Variants in GCSAML observed in about 807,000 individuals in gnomAD.
The protein encoded by GCSAML is germinal center associated signaling and motility like.
In GCSAML, 9 loss-of-function variants were observed where a neutral mutation model predicts 13.0. The ratio of observed to expected loss-of-function variants is 0.69; its 90% confidence interval spans 0.42 to 1.21. The LOEUF is 1.21. GCSAML is among the 50% of genes most tolerant of loss of function. The pLI, the probability that GCSAML is intolerant of heterozygous loss-of-function variation, is 0.00. For synonymous variants in GCSAML, 37 were observed against 52.9 expected (o/e 0.70, Z 1.31); for missense variants, 143 against 153.4 (o/e 0.93, Z 0.36).
intron 3 of GCSAML, among the ~76,000 whole-genome samples, chr1:247,564,809 G>T (rs561484724): frequency 6.6e-6 from 1 of 152,124 alleles, no homozygotes; most frequent in Admixed American, 6.6e-5. Flanking sequence ...TAACTGGCTA[G>T]CCATATGGAG....
At chr1:247,560,368 C>T (rs3844081) in intron 2 of GCSAML, among the ~76,000 whole-genome samples, 51,838 of 151,812 alleles carry the variant, frequency 0.34, 10,879 homozygotes, top group East Asian at 0.74. Flanking sequence ...AACACATCTT[C>T]TTTCCTTGGA....
rs1427798591 is a variant in GCSAML at position 247,522,276 on chromosome 1, C to T, written c.-262-4664C>T. Among the ~76,000 whole-genome samples, 13 of 137,476 alleles carry T rather than the reference C, an allele frequency of 9.5e-5. 1 individual carries two copies. Among genetic ancestry groups the T allele is most frequent in the African/African-American group, 2.2e-4 (8 of 35,658 alleles). The allele number at this position is 137,476 out of a possible 152,430, so 90.2% of individuals were successfully genotyped here. ...GGGGGGCAGCCCCCACCCGGCTAGC[C>T]GCCCTGTCCGGGAGGGAGGTGGGGG... On this transcript the variant is annotated intron_variant, in intron 1 of 5. Coordinates refer to the GCSAML transcript ENST00000366489.
chr1:247,537,447 G>C (rs1237860495), intron 2 of GCSAML, among the ~76,000 whole-genome samples: 2 of 152,182 alleles, frequency 1.3e-5, no homozygotes, highest in Non-Finnish European at 2.9e-5. Flanking sequence ...GAGCTGCTAT[G>C]AACATTCACA....
upstream of GCSAML, among the ~76,000 whole-genome samples, chr1:247,545,674 C>A (rs1667543910): frequency 6.6e-6 from 1 of 152,152 alleles, no homozygotes; most frequent in Non-Finnish European, 1.5e-5. Context: ...ATTTGTATGT[C>A]TTCTTTGGAG....
At chr1:247,540,244 G>C (rs1376038845) in intron 2 of GCSAML, among the ~76,000 whole-genome samples, 1 of 152,170 alleles carries the variant, frequency 6.6e-6, no homozygotes, top group Admixed American at 6.5e-5. Flanking sequence ...TGTTGGCCAG[G>C]CTGGTCTCGA....
Position 247,571,596 on chromosome 1 carries a change from T to G in GCSAML, c.169-2547T>G, listed in dbSNP as rs188689366. Among the ~76,000 whole-genome samples the G allele has an allele frequency of 5.2e-3, 787 of 152,322 alleles. 6 individuals are homozygous for G. The highest frequency in any genetic ancestry group is 0.044 in the Middle Eastern group (13 of 294). On this transcript the variant is annotated intron_variant, in intron 4 of 4. Coordinates refer to ENST00000366488, the MANE Select transcript of GCSAML (RefSeq NM_145278.5). ...CATTAGTCTGATGGGCTTCCCTTTG[T>G]GGGTAACCCAACCTTTCTTTCTGGT...
At chr1:247,556,698 T>C (rs1189378228) in intron 2 of GCSAML, among the ~76,000 whole-genome samples, 1 of 152,166 alleles carries the variant, frequency 6.6e-6, no homozygotes, top group African/African-American at 2.4e-5. Context: ...ATAATGTGAG[T>C]GTAGAAACAT....
intron 2 of GCSAML, chr1:247,533,833 A>G (rs1430641711): frequency 6.6e-6 from 1 of 152,212 alleles, no homozygotes; most frequent in African/African-American, 2.4e-5. Context: ...TTGTCAGTTG[A>G]TTTCTGTGAA....
chr1:247,543,227 G>T (rs1226138533), intron 2 of GCSAML, among the ~76,000 whole-genome samples: 2 of 152,204 alleles, frequency 1.3e-5, no homozygotes, highest in African/African-American at 4.8e-5. Context: ...TTGTTATTAA[G>T]CATGTGTCAA....
chr1:247,528,620 A>G (rs1289128907), intron 2 of GCSAML: 1 of 152,226 alleles, frequency 6.6e-6, no homozygotes, highest in Non-Finnish European at 1.5e-5. Flanking sequence ...GTGTTGCTGA[A>G]AGATGGTGAG....
At chr1:247,545,650 A>G (rs1667543247), upstream of GCSAML, among the ~76,000 whole-genome samples, 1 of 152,200 alleles carries the variant, frequency 6.6e-6, no homozygotes, top group Non-Finnish European at 1.5e-5. Context: ...TATCTTTTCA[A>G]AGACCTCTTG....
intron 2 of GCSAML, among the ~76,000 whole-genome samples, chr1:247,563,190 A>G (rs556061423): frequency 6.6e-6 from 1 of 152,174 alleles, no homozygotes; most frequent in African/African-American, 2.4e-5. Flanking sequence ...TTTAGTTAGA[A>G]TTCGTAAGAC....
At chr1:247,532,252 C>G in intron 2 of GCSAML, 2 of 1,614,198 alleles carry the variant, frequency 1.2e-6, no homozygotes, top group Non-Finnish European at 1.7e-6. Flanking sequence ...CTGTGGTCCC[C>G]AGAGGTTAGC....
intron 2 of GCSAML, among the ~76,000 whole-genome samples, chr1:247,534,145 A>G (rs12036349): frequency 0.22 from 34,181 of 152,118 alleles, 4,644 homozygotes; most frequent in East Asian, 0.45. Context: ...TTATTTTTAT[A>G]TAAGGTGATA....
At chr1:247,514,135 C>A (rs1454975282) in intron 1 of GCSAML, among the ~76,000 whole-genome samples, 1 of 152,164 alleles carries the variant, frequency 6.6e-6, no homozygotes, top group East Asian at 1.9e-4. Flanking sequence ...TATGCACCAC[C>A]ATGCCCAGCT....
chr1:247,549,237 G>A lies in GCSAML; in HGVS notation c.29+17G>A. On this transcript the variant is annotated intron_variant, in intron 1 of 4. Coordinates refer to ENST00000366488, the MANE Select transcript of GCSAML (RefSeq NM_145278.5). ...AAAACTCAGGTGAGTCTTGACTCTT[G>A]GTGCCGCCTTTCTTGGGAGAAAGAG... 1.2e-6 allele frequency: 2 copies of A among 1,608,542 alleles called. No homozygotes were observed. Among genetic ancestry groups the A allele is most frequent in the Non-Finnish European group, 1.7e-6 (2 of 1,175,112 alleles).
chr1:247,559,488 A>T (rs548025623), intron 2 of GCSAML, among the ~76,000 whole-genome samples: 208 of 152,002 alleles, frequency 1.4e-3, no homozygotes, highest in African/African-American at 4.9e-3. Flanking sequence ...CATCTTCCGC[A>T]GTGTGAGAAG....
chr1:247,572,520 A>G (rs1668655005), intron 4 of GCSAML, among the ~76,000 whole-genome samples: 1 of 152,056 alleles, frequency 6.6e-6, no homozygotes, highest in African/African-American at 2.4e-5. Context: ...TTGCATGTGT[A>G]TTACCAGTGG....
rs1189230599 is a variant in GCSAML, at chr1:247,549,280, T to C, written c.29+60T>C. ...AGAAAGAGAACAGAGATAAGGAGGC[T>C]GGACATAACGCATTTGTAATGGTGA... is the stretch of plus-strand genomic sequence containing the variant. On this transcript the variant is annotated intron_variant, in intron 1 of 4. Transcript: ENST00000366488. 2.3e-5 allele frequency: 32 copies of C among 1,422,068 alleles called. No homozygotes were observed. The Admixed American group carries it at 5.3e-4, about 24-fold the overall frequency. The allele number at this position is 1,422,068 out of a possible 1,614,324, so 88.1% of individuals were successfully genotyped here.
Sources: gnomAD v4.1 joint callset for allele counts (sites outside exome capture counted in the v4.1 genomes callset) on GRCh38, gnomAD v4.1.1 for gene constraint, MANE v1.5 for transcripts, NCBI Gene and HGNC (gene_info 2026-07-23, HGNC 2026-07-21) for gene names.